The following AKAP7 variants were observed in gnomAD, a reference collection of about 807,000 sequenced individuals.
The protein encoded by AKAP7 is A-kinase anchoring protein 7, also known as A kinase (PRKA) anchor protein 7.
AKAP7 carries 39 observed loss-of-function variants against 39.5 expected under a neutral mutation model. The ratio of observed to expected loss-of-function variants is 0.99; its 90% CI spans 0.76 to 1.29. The LOEUF is 1.29. AKAP7 is among the 50% of genes most tolerant of loss of function. The probability of loss-of-function intolerance (pLI) is 0.00; values close to 1 mark genes in which losing one functional copy is unlikely to be tolerated. For synonymous variants in AKAP7, 140 were observed against 139.1 expected (o/e 1.01, Z -0.05); for missense variants, 414 against 407.7 (o/e 1.02, Z -0.13).
intron 1 of AKAP7, among the ~76,000 whole-genome samples, chr6:131,144,935 T>C (rs892306868): frequency 1.1e-4 from 16 of 152,308 alleles, no homozygotes; most frequent in Admixed American, 9.8e-4. Context: ...TGAGAATGAC[T>C]GACAAACCTT....
chr6:131,153,717 A>T (rs1802147159), intron 2 of AKAP7, among the ~76,000 whole-genome samples: 1 of 152,164 alleles, frequency 6.6e-6, no homozygotes, highest in Non-Finnish European at 1.5e-5. Flanking sequence ...AGTATTGTTC[A>T]TATTGGAGTG....
chr6:131,129,722 A>G, the AKAP7 span, among the ~76,000 whole-genome samples: 1 of 152,230 alleles, frequency 6.6e-6, no homozygotes, highest in Non-Finnish European at 1.5e-5. Context: ...CTCAAACATT[A>G]ATTGAAAAGC....
At chr6:131,195,873 T>G (rs1806874149) in intron 5 of AKAP7, among the ~76,000 whole-genome samples, 1 of 152,150 alleles carries the variant, frequency 6.6e-6, no homozygotes, top group Admixed American at 6.5e-5. Context: ...TTAGGATCCT[T>G]TCTTTATTCT....
chr6:131,181,414 T>C (rs1195234090), intron 5 of AKAP7, among the ~76,000 whole-genome samples: 1 of 152,226 alleles, frequency 6.6e-6, no homozygotes, highest in Non-Finnish European at 1.5e-5. Flanking sequence ...CTACTTTCTG[T>C]TCCTATTGCT....
At chr6:131,173,313 C>T (rs1804262598) in intron 5 of AKAP7, among the ~76,000 whole-genome samples, 1 of 151,306 alleles carries the variant, frequency 6.6e-6, no homozygotes, top group Non-Finnish European at 1.5e-5. Flanking sequence ...TAACTTGTGT[C>T]TTTGGGTTAG....
intron 2 of AKAP7, 78 bp from the exon 3 acceptor site, chr6:131,159,981 A>G: frequency 7.8e-7 from 1 of 1,284,618 alleles, no homozygotes; most frequent in Non-Finnish European, 1.1e-6. Flanking sequence ...TGCTACTTAT[A>G]TATTGCTTGT....
At chr6:131,204,513 A>C (rs1185718342) in intron 6 of AKAP7, among the ~76,000 whole-genome samples, 1 of 152,206 alleles carries the variant, frequency 6.6e-6, no homozygotes, top group Non-Finnish European at 1.5e-5. Flanking sequence ...TAGAGGTAAA[A>C]AGTGGCTTCC....
At chr6:131,190,063 C>T (rs1190802) in intron 5 of AKAP7, among the ~76,000 whole-genome samples, 45,525 of 151,994 alleles carry the variant, frequency 0.3, 7,356 homozygotes, top group Non-Finnish European at 0.36. Context: ...CCAAATATGA[C>T]ATTGCTCGAA....
intron 2 of AKAP7, among the ~76,000 whole-genome samples, chr6:131,159,284 G>A (rs760888878): frequency 2.6e-5 from 4 of 151,830 alleles, no homozygotes; most frequent in Non-Finnish European, 5.9e-5. Context: ...TAGTAGAGAC[G>A]AGGTTTCACC....
chr6:131,190,352 G>T (rs1251957962), intron 5 of AKAP7, among the ~76,000 whole-genome samples: 1 of 152,048 alleles, frequency 6.6e-6, no homozygotes, highest in Non-Finnish European at 1.5e-5. Context: ...AAATTGAAAA[G>T]TGTTGGCTGG....
chr6:131,236,392 T>C (rs1811063137), intron 7 of AKAP7, among the ~76,000 whole-genome samples: 2 of 152,220 alleles, frequency 1.3e-5, no homozygotes, highest in South Asian at 4.1e-4. Flanking sequence ...ATGTGGGCTC[T>C]TTTTTGGTTC....
At chr6:131,256,704 G>T (rs184029291) in intron 7 of AKAP7, among the ~76,000 whole-genome samples, 1 of 124,914 alleles carries the variant, frequency 8.0e-6, no homozygotes, top group South Asian at 2.5e-4. Flanking sequence ...ACTCCTTCCT[G>T]GGACATTATT....
In AKAP7 at chr6:131,135,579, C is replaced by T; in HGVS notation, c.-185C>T. 3.0e-6 allele frequency: 1 copy of T among 334,072 alleles called. No homozygotes were observed. The highest frequency in any genetic ancestry group is 4.3e-6 in the Non-Finnish European group (1 of 233,676). 20.7% of individuals were successfully genotyped at this position (334,072 alleles called of 1,614,324 possible). On this transcript the variant is annotated 5_prime_UTR_variant, in exon 1 of 8. Transcript: ENST00000431975. ...CGGCTTGGGAAGCTCCGCGCTTCCGCAGGCCTGGCCTCCGCCGCCCGGGCC... is the reference window on the plus strand; with the variant it reads ...CGGCTTGGGAAGCTCCGCGCTTCCGTAGGCCTGGCCTCCGCCGCCCGGGCC...
chr6:131,132,762 T>G (rs1482871243), upstream of AKAP7, among the ~76,000 whole-genome samples: 1 of 152,236 alleles, frequency 6.6e-6, no homozygotes, highest in African/African-American at 2.4e-5. Flanking sequence ...CAGCTTCAGG[T>G]GAAATATTTA....
intron 7 of AKAP7, among the ~76,000 whole-genome samples, chr6:131,251,082 G>A (rs1031677040): frequency 6.6e-6 from 1 of 152,180 alleles, no homozygotes; most frequent in Non-Finnish European, 1.5e-5. Context: ...ATATTTTCAT[G>A]TGTCCCCTGC....
At chr6:131,217,827 T>C (rs897284714) in intron 6 of AKAP7, among the ~76,000 whole-genome samples, 3 of 152,126 alleles carry the variant, frequency 2.0e-5, no homozygotes, top group Non-Finnish European at 2.9e-5. Flanking sequence ...TTCTTGAAAA[T>C]TGAAGGTTCT....
chr6:131,151,407 A>C (rs1801908104), intron 2 of AKAP7, among the ~76,000 whole-genome samples: 2 of 148,818 alleles, frequency 1.3e-5, no homozygotes, highest in Admixed American at 6.7e-5. Context: ...AGAAAATTTT[A>C]GTAATTTGCC....
chr6:131,281,776 T>A lies in AKAP7; in HGVS notation c.*50T>A. 1 of 1,510,552 alleles carries A rather than the reference T, an allele frequency of 6.6e-7. No homozygotes were observed. The highest frequency in any genetic ancestry group is 8.8e-7 in the Non-Finnish European group (1 of 1,130,560). 93.6% of individuals were successfully genotyped at this position (1,510,552 alleles called of 1,614,324 possible). ...TCTGTGCAAAGCCTCCCTGCTTCCC[T>A]CTGCTGAGTCTAGGGACTGACTTGC... On this transcript the variant is annotated 3_prime_UTR_variant, in exon 8 of 8. Transcript: ENST00000431975. The surrounding 1 kb of genome is among the most constrained non-coding windows in gnomAD (Gnocchi z 4.0).
At position 131,281,672 on chromosome 6, in the gene AKAP7, G is replaced by A. The variant is rs1815204480; in HGVS notation, c.993G>A (p.Val331=). Residue 331 remains valine, a synonymous_variant, in exon 8 of 8, where the codon GTG becomes GTA. Coordinates refer to ENST00000431975, the MANE Select transcript of AKAP7 (RefSeq NM_016377.4). The surrounding 1 kb of genome is among the most constrained non-coding windows in gnomAD (Gnocchi z 4.0). ...NKNKPGEGSS[V]KTEAADQNGN... ...ACAAGCCGGGGGAGGGGAGCTCTGT[G>A]AAAACCGAAGCAGCTGATCAGAATG... 2 of 1,613,122 alleles carry A rather than the reference G, an allele frequency of 1.2e-6. No individual in the cohort carries two copies. The highest frequency in any genetic ancestry group is 3.3e-4 in the Middle Eastern group (2 of 6,036).
Sources: allele counts gnomAD v4.1 joint callset (sites outside exome capture counted in the v4.1 genomes callset), GRCh38; gene constraint gnomAD v4.1.1; non-coding constraint Gnocchi (gnomAD v3.1); transcripts MANE v1.5; gene names NCBI Gene and HGNC (gene_info 2026-07-23, HGNC 2026-07-21).